The following MATCAP2 variants were observed in gnomAD, a reference collection of about 807,000 sequenced individuals.
MATCAP2 encodes putative tyrosine carboxypeptidase MATCAP2.
At chr7:36,364,802 G>A in the MATCAP2 span, among the ~76,000 whole-genome samples, 1 of 152,048 alleles carries the variant, frequency 6.6e-6, no homozygotes, top group African/African-American at 2.4e-5. Flanking sequence ...CTGGGCACAG[G>A]GCTCTAGAAT....
At chr7:36,390,118 C>T in the MATCAP2 span, 5 of 1,605,862 alleles carry the variant, frequency 3.1e-6, no homozygotes, top group African/African-American at 1.3e-5. Context: ...CTGTCAACCT[C>T]TGGGCGAACC....
At chr7:36,351,498 C>T in the MATCAP2 span, among the ~76,000 whole-genome samples, 3 of 152,188 alleles carry the variant, frequency 2.0e-5, no homozygotes, top group Middle Eastern at 3.4e-3. Flanking sequence ...GAAAAAGGGG[C>T]TGTCAGAATC....
At chr7:36,347,219 AAG>A in the MATCAP2 span, among the ~76,000 whole-genome samples, 2 of 152,174 alleles carry the variant, frequency 1.3e-5, no homozygotes, top group Non-Finnish European at 2.9e-5. Flanking sequence ...CTAGAAAAAA[AAG>A]TTTTCTATAT....
the MATCAP2 span, among the ~76,000 whole-genome samples, chr7:36,349,680 G>A: frequency 2.6e-5 from 4 of 152,142 alleles, no homozygotes; most frequent in Non-Finnish European, 5.9e-5. Flanking sequence ...CCTAAATACC[G>A]CAGACTATTC....
the MATCAP2 span, among the ~76,000 whole-genome samples, chr7:36,361,495 AAAC>A: frequency 6.6e-6 from 1 of 152,222 alleles, no homozygotes; most frequent in Non-Finnish European, 1.5e-5. Context: ...TTATACCACA[AAAC>A]AATAGGTTAC....
the MATCAP2 span, chr7:36,336,330 A>T: frequency 7.1e-7 from 1 of 1,416,472 alleles, no homozygotes; most frequent in Non-Finnish European, 9.6e-7. Context: ...GAAAGTAAAC[A>T]GCCTCATATT....
the MATCAP2 span, among the ~76,000 whole-genome samples, chr7:36,369,465 C>A: frequency 8.5e-5 from 13 of 152,318 alleles, no homozygotes; most frequent in East Asian, 1.7e-3. Context: ...ATTACCTCTA[C>A]AAATTTCTAG....
At chr7:36,340,321 C>T in the MATCAP2 span, among the ~76,000 whole-genome samples, 4 of 152,176 alleles carry the variant, frequency 2.6e-5, no homozygotes, top group East Asian at 1.9e-4. Context: ...CTTAAATACA[C>T]GTGTTCCTTG....
the MATCAP2 span, among the ~76,000 whole-genome samples, chr7:36,380,824 G>A: frequency 6.6e-6 from 1 of 152,232 alleles, no homozygotes; most frequent in African/African-American, 2.4e-5. Context: ...CCACCTCCCA[G>A]GTTCAAGCGA....
chr7:36,373,850 T>C, the MATCAP2 span, among the ~76,000 whole-genome samples: 3 of 151,832 alleles, frequency 2.0e-5, no homozygotes, highest in Non-Finnish European at 4.4e-5. Flanking sequence ...AGTGGCACGA[T>C]CTCAGCTCAC....
the MATCAP2 span, chr7:36,334,169 G>T: frequency 1.3e-6 from 2 of 1,572,316 alleles, no homozygotes; most frequent in Non-Finnish European, 1.7e-6. Flanking sequence ...TACCTATGGA[G>T]AAGAAAAGTT....
At chr7:36,390,154 G>C in the MATCAP2 span, 2 of 1,576,380 alleles carry the variant, frequency 1.3e-6, no homozygotes, top group Non-Finnish European at 1.7e-6. Context: ...GCGCGTGTGT[G>C]CGCGCGTGCG....
the MATCAP2 span, among the ~76,000 whole-genome samples, chr7:36,360,297 T>A: frequency 2.9e-4 from 44 of 152,086 alleles, 1 homozygote; most frequent in Non-Finnish European, 2.9e-5. Flanking sequence ...AGCCTACACA[T>A]TTCCAGATAC....
the MATCAP2 span, among the ~76,000 whole-genome samples, chr7:36,338,626 A>C: frequency 6.6e-6 from 1 of 152,164 alleles, no homozygotes; most frequent in African/African-American, 2.4e-5. Context: ...TTAATTAAAA[A>C]AAAAATAGAG....
the MATCAP2 span, among the ~76,000 whole-genome samples, chr7:36,338,984 C>T: frequency 6.6e-6 from 1 of 152,224 alleles, no homozygotes; most frequent in Non-Finnish European, 1.5e-5. Flanking sequence ...CCAATGCATT[C>T]CTCACATGTA....
the MATCAP2 span, among the ~76,000 whole-genome samples, chr7:36,360,166 A>G: frequency 6.6e-6 from 1 of 152,178 alleles, no homozygotes; most frequent in Non-Finnish European, 1.5e-5. Flanking sequence ...TGAATACTCA[A>G]TGTGAAAATG....
the MATCAP2 span, chr7:36,357,670 C>A: frequency 1.9e-6 from 2 of 1,046,522 alleles, no homozygotes; most frequent in Non-Finnish European, 2.7e-6. Context: ...GAAAGGTATT[C>A]TGAAGATTCT....
At chr7:36,343,591 G>T in the MATCAP2 span, among the ~76,000 whole-genome samples, 1 of 96,230 alleles carries the variant, frequency 1.0e-5, no homozygotes, top group African/African-American at 4.1e-5. Flanking sequence ...GGAGAGGGGA[G>T]GTGGAAAGGA....
chr7:36,366,887 C>T, the MATCAP2 span: 1 of 1,473,422 alleles, frequency 6.8e-7, no homozygotes, highest in East Asian at 2.7e-5. Context: ...CCCGCACCCC[C>T]GCCGCGGCCA....
Sources: gnomAD v4.1 joint callset for allele counts (sites outside exome capture counted in the v4.1 genomes callset) on GRCh38, gnomAD v4.1.1 for gene constraint, MANE v1.5 for transcripts, NCBI Gene and HGNC (gene_info 2026-07-23, HGNC 2026-07-21) for gene names.